The following DGKB variants were observed in gnomAD, a reference collection of about 807,000 sequenced individuals.
DGKB encodes the protein 90 kDa diacylglycerol kinase.
Under a neutral mutation model 114.3 loss-of-function variants are expected in DGKB, and 67 were observed. That is an observed-to-expected ratio of 0.59 (90% CI 0.48 to 0.72). The LOEUF is 0.72. Among genes scored for constraint, DGKB ranks in the 30% least tolerant of loss-of-function variants. DGKB has a pLI of 0.00. For missense variants in DGKB, 907 were observed against 975.2 expected (o/e 0.93, Z 0.93); for synonymous variants, 398 against 323.1 (o/e 1.23, Z -2.49).
intron 23 of DGKB, among the ~76,000 whole-genome samples, chr7:14,218,945 TCC>T (rs1471357527): frequency 3.2e-4 from 49 of 151,908 alleles, no homozygotes; most frequent in Non-Finnish European, 4.9e-4. Context: ...TCCACTATTC[TCC>T]CAGCAACTAA....
chr7:14,888,716 T>A (rs547342736), intron 1 of DGKB, among the ~76,000 whole-genome samples: 44 of 151,870 alleles, frequency 2.9e-4, no homozygotes, highest in Non-Finnish European at 5.5e-4. Context: ...TTCATCTTTG[T>A]GTAAAGAAGG....
intron 1 of DGKB, among the ~76,000 whole-genome samples, chr7:14,857,726 T>A (rs1308379207): frequency 6.6e-6 from 1 of 152,116 alleles, no homozygotes; most frequent in African/African-American, 2.4e-5. Context: ...TTTTCTTTTT[T>A]ATATATAGGG....
intron 23 of DGKB, among the ~76,000 whole-genome samples, chr7:14,257,300 C>G (rs964956449): frequency 2.0e-5 from 3 of 151,896 alleles, no homozygotes; most frequent in Non-Finnish European, 4.4e-5. Flanking sequence ...CGATTTCTAC[C>G]CTCAACAAAA....
intron 21 of DGKB, among the ~76,000 whole-genome samples, chr7:14,403,168 T>C (rs1696352679): frequency 6.6e-6 from 1 of 151,794 alleles, no homozygotes; most frequent in East Asian, 1.9e-4. Flanking sequence ...ATTACATATA[T>C]ATACATACCC....
intron 23 of DGKB, among the ~76,000 whole-genome samples, chr7:14,307,152 T>C (rs997748108): frequency 1.3e-5 from 2 of 152,240 alleles, no homozygotes; most frequent in African/African-American, 4.8e-5. Flanking sequence ...ATAATATTAG[T>C]AGACAATGGA....
chr7:14,170,134 CAAAAA>C (rs762339951), intron 25 of DGKB, among the ~76,000 whole-genome samples: 3 of 33,078 alleles, frequency 9.1e-5, no homozygotes, highest in African/African-American at 2.2e-4. Context: ...AACTCCATCT[CAAAAA>C]AAAAAAAAAG....
At chr7:14,542,722 C>A (rs1214775045) in intron 20 of DGKB, among the ~76,000 whole-genome samples, 2 of 152,176 alleles carry the variant, frequency 1.3e-5, no homozygotes, top group African/African-American at 4.8e-5. Flanking sequence ...GAAGGAATAT[C>A]TGCCTGAGAT....
At chr7:14,565,981 A>G (rs1004016825) in intron 20 of DGKB, among the ~76,000 whole-genome samples, 1 of 152,058 alleles carries the variant, frequency 6.6e-6, no homozygotes, top group Admixed American at 6.6e-5. Context: ...AAATCTGCAC[A>G]TTTTTCTTTT....
chr7:14,423,010 C>T (rs566987605), intron 21 of DGKB, among the ~76,000 whole-genome samples: 1 of 152,016 alleles, frequency 6.6e-6, no homozygotes, highest in Non-Finnish European at 1.5e-5. Flanking sequence ...TAACTATTGG[C>T]AGTGCTGGGA....
intron 20 of DGKB, among the ~76,000 whole-genome samples, chr7:14,549,245 G>T (rs1794762406): frequency 1.3e-5 from 2 of 151,998 alleles, no homozygotes; most frequent in African/African-American, 2.4e-5. Context: ...CTATTGAACT[G>T]GTTAATGTGA....
At chr7:14,503,863 C>T (rs2128959813) in intron 20 of DGKB, among the ~76,000 whole-genome samples, 1 of 130,234 alleles carries the variant, frequency 7.7e-6, no homozygotes, top group African/African-American at 2.9e-5. Flanking sequence ...CAGGAGAGGG[C>T]TGATCTACAC....
intron 19 of DGKB, among the ~76,000 whole-genome samples, chr7:14,578,812 C>T (rs750286913): frequency 7.9e-5 from 12 of 152,194 alleles, no homozygotes; most frequent in Non-Finnish European, 1.5e-4. Flanking sequence ...TACTCTGCTT[C>T]TGAGACTTTC....
chr7:14,890,188 A>G (rs945556549), intron 1 of DGKB, among the ~76,000 whole-genome samples: 1 of 151,572 alleles, frequency 6.6e-6, no homozygotes, highest in African/African-American at 2.4e-5. Context: ...ATGACTGAGT[A>G]TATTTTTTAG....
chr7:14,415,023 T>C lies in DGKB; in HGVS notation c.1835+63138A>G, dbSNP rs1428551326. Among the ~76,000 whole-genome samples, 3 of 150,294 alleles carry C rather than the reference T, an allele frequency of 2.0e-5. No individual in the cohort carries two copies. In the East Asian group the frequency reaches 5.9e-4, roughly 29 times the overall value. On this transcript the variant is annotated intron_variant, in intron 21 of 25. Transcript: ENST00000402815. ...CAAAAAATAAAAAAAAACCCTCCTATAGAGTCTCACCAGAGTACAGGTTTA... is the reference window on the plus strand; with the variant it reads ...CAAAAAATAAAAAAAAACCCTCCTACAGAGTCTCACCAGAGTACAGGTTTA...
intron 23 of DGKB, among the ~76,000 whole-genome samples, chr7:14,298,522 G>T (rs1382448913): frequency 1.3e-5 from 2 of 152,002 alleles, no homozygotes; most frequent in African/African-American, 2.4e-5. Context: ...ACTGAAACTG[G>T]ACCCCTTCTT....
chr7:14,443,120 AT>A (rs1371995088), intron 21 of DGKB, among the ~76,000 whole-genome samples: 1 of 151,996 alleles, frequency 6.6e-6, no homozygotes, highest in Non-Finnish European at 1.5e-5. Flanking sequence ...TGTCTTCTCT[AT>A]TTTTATTGCC....
intron 2 of DGKB, among the ~76,000 whole-genome samples, chr7:14,803,178 G>A (rs980625021): frequency 6.6e-6 from 1 of 151,968 alleles, no homozygotes; most frequent in Non-Finnish European, 1.5e-5. Context: ...CTGGCCTCAA[G>A]CGATCCTCCT....
At chr7:14,901,502 T>A (rs1187806710) in intron 1 of DGKB, among the ~76,000 whole-genome samples, 1 of 152,120 alleles carries the variant, frequency 6.6e-6, no homozygotes, top group Non-Finnish European at 1.5e-5. Context: ...TTGTCAATAA[T>A]TTTTCTTGGA....
intron 21 of DGKB, among the ~76,000 whole-genome samples, chr7:14,357,415 C>A (rs1363269358): frequency 6.6e-6 from 1 of 152,144 alleles, no homozygotes; most frequent in Non-Finnish European, 1.5e-5. Flanking sequence ...ACTAGGATTG[C>A]AACCCCTGCT....
Sources: gnomAD v4.1 joint callset for allele counts (sites outside exome capture counted in the v4.1 genomes callset) on GRCh38, gnomAD v4.1.1 for gene constraint, MANE v1.5 for transcripts, NCBI Gene and HGNC (gene_info 2026-07-23, HGNC 2026-07-21) for gene names.